CFAP70: variants seen among roughly 807,000 people sequenced by gnomAD.
The protein encoded by CFAP70 is cilia and flagella associated protein 70.
In CFAP70, 81 loss-of-function variants were observed where a neutral mutation model predicts 137.6. That is an observed-to-expected ratio of 0.59 (90% CI 0.49 to 0.71). The LOEUF (loss-of-function observed/expected upper bound fraction) is 0.71. Ranked by LOEUF, CFAP70 falls within the 30% of genes least tolerant of loss-of-function variation. The pLI is 0.00. For synonymous variants in CFAP70, 382 were observed against 423.6 expected (o/e 0.90, Z 1.20); for missense variants, 976 against 1,226.7 (o/e 0.80, Z 3.05).
chr10:73,272,335 T>C (rs1389664586), intron 24 of CFAP70, among the ~76,000 whole-genome samples: 1 of 151,354 alleles, frequency 6.6e-6, no homozygotes, highest in African/African-American at 2.4e-5. Flanking sequence ...AGAGCGAGAC[T>C]CCATCTCAAA....
intron 4 of CFAP70, among the ~76,000 whole-genome samples, chr10:73,346,197 T>C (rs988660824): frequency 2.0e-5 from 3 of 152,060 alleles, no homozygotes; most frequent in African/African-American, 7.2e-5. Flanking sequence ...GCACCCAGCC[T>C]ATTTTTGTAA....
intron 15 of CFAP70, chr10:73,295,832 A>C (rs559284205): frequency 3.2e-4 from 49 of 152,184 alleles, no homozygotes; most frequent in African/African-American, 1.2e-3. Context: ...TTCATCTATG[A>C]CCATAGCATC....
At position 73,311,878 on chromosome 10, in the gene CFAP70, G is replaced by T. The variant is rs115761754; in HGVS notation, c.1120C>A (p.Pro374Thr). Reference sequence around the variant, plus strand: ...CTTAGAGGGGGTTCACCTTCCAAAGGAGTATCTGAGCTCTGAGATTTTATA... The same window carrying T: ...CTTAGAGGGGGTTCACCTTCCAAAGTAGTATCTGAGCTCTGAGATTTTATA... Residue 374 changes from proline (P) to threonine (T), a missense_variant, in exon 11 of 27, where the codon CCT becomes ACT. By Grantham distance (38) the Pro-to-Thr change is conservative. Transcript: ENST00000310715. The T allele has an allele frequency of 3.5e-4, 560 of 1,613,988 alleles. 5 individuals carry two copies. In the African/African-American group the frequency reaches 6.9e-3, roughly 20 times the overall value.
intron 11 of CFAP70, among the ~76,000 whole-genome samples, chr10:73,310,974 A>T (rs1249673221): frequency 2.0e-5 from 3 of 151,994 alleles, no homozygotes; most frequent in Non-Finnish European, 4.4e-5. Flanking sequence ...CCCCACCTTC[A>T]ATCTCTTTTT....
chr10:73,274,338 A>G (rs955515136), intron 23 of CFAP70, 95 bp downstream of exon 24: 12 of 1,331,974 alleles, frequency 9.0e-6, no homozygotes, highest in Non-Finnish European at 1.0e-6. Flanking sequence ...TGTCATTATT[A>G]TATTACTAGT....
chr10:73,269,734 C>T lies in CFAP70; in HGVS notation c.2926-19G>A, dbSNP rs568615945. The T allele has an allele frequency of 2.0e-4, 311 of 1,543,678 alleles. 4 individuals are homozygous for T. The South Asian group carries it at 3.2e-3, about 16-fold the overall frequency. On this transcript the variant is annotated intron_variant, in intron 24 of 26. Coordinates refer to ENST00000310715, the Ensembl canonical transcript of CFAP70. The stretch of plus-strand genomic sequence containing the variant: ...CCTCCAGCTTGACAGAAAAATGAGA[C>T]ATGTGAGTTAGCTTAGCTGAAACCA...
chr10:73,354,217 G>C (rs2054497349), intron 2 of CFAP70, among the ~76,000 whole-genome samples: 2 of 152,124 alleles, frequency 1.3e-5, no homozygotes, highest in Non-Finnish European at 2.9e-5. Flanking sequence ...TGAATATATG[G>C]ATGTACGTGT....
At chr10:73,295,144 C>T (rs2048442650) in intron 15 of CFAP70, 1 of 153,140 alleles carries the variant, frequency 6.5e-6, no homozygotes, top group Non-Finnish European at 1.5e-5. Context: ...ATGGTGAAAC[C>T]CCATCTCTAC....
exon 19 of CFAP70, chr10:73,291,348 A>G (rs2048167009): frequency 2.5e-6 from 4 of 1,613,986 alleles, no homozygotes; most frequent in Non-Finnish European, 3.4e-6. Context: ...TTGCTTTGTT[A>G]CTTGTGCCTG....
chr10:73,265,495 G>T (rs11000571), intron 25 of CFAP70, among the ~76,000 whole-genome samples: 15,931 of 151,728 alleles, frequency 0.1, 1,183 homozygotes, highest in East Asian at 0.29. Context: ...TTTATTCAGG[G>T]GCATAGTATT....
rs79591165 is a variant in CFAP70 at position 73,332,237 on chromosome 10, G to A, written c.678-961C>T. ...CTAGCTGGGAGTGAAAAACTCCAGG[G>A]GGCCCACTGTTAAGGGTCCCCACAC... is the stretch of plus-strand genomic sequence containing the variant. On this transcript the variant is annotated intron_variant, in intron 7 of 26. Transcript: ENST00000310715. 8.8e-3 allele frequency among the ~76,000 whole-genome samples: 1,334 copies of A among 152,218 alleles called. 31 individuals carry two copies. Among genetic ancestry groups the A allele is most frequent in the African/African-American group, 0.03 (1,246 of 41,520 alleles).
chr10:73,343,435 G>A (rs1013206354), intron 5 of CFAP70, among the ~76,000 whole-genome samples: 3 of 151,832 alleles, frequency 2.0e-5, no homozygotes, highest in Admixed American at 6.6e-5. Flanking sequence ...GGGGCTGGGT[G>A]TGGTGGCTCA....
intron 4 of CFAP70, 71 bp from the exon 5 acceptor site, chr10:73,348,306 T>C (rs1032686323): frequency 1.9e-6 from 3 of 1,562,756 alleles, no homozygotes; most frequent in African/African-American, 2.7e-5. Flanking sequence ...CAGAGATAAA[T>C]GTGCCTACTT....
chr10:73,344,130 T>A (rs1288812371), intron 5 of CFAP70, among the ~76,000 whole-genome samples: 1 of 151,884 alleles, frequency 6.6e-6, no homozygotes, highest in African/African-American at 2.4e-5. Context: ...ACCCAGCTAA[T>A]TTTTTGTATT....
At chr10:73,293,195 T>C (rs910841264) in intron 16 of CFAP70, 68 bp downstream of exon 17, 2 of 1,503,378 alleles carry the variant, frequency 1.3e-6, no homozygotes, top group African/African-American at 1.4e-5. Context: ...TTTTAAACAA[T>C]CAAAAATTAC....
At chr10:73,263,764 G>A (rs1238005634) in intron 25 of CFAP70, among the ~76,000 whole-genome samples, 1 of 152,170 alleles carries the variant, frequency 6.6e-6, no homozygotes, top group Non-Finnish European at 1.5e-5. Flanking sequence ...ATCTTGTGGG[G>A]AGATACTTTG....
chr10:73,299,694 A>C (rs1325868289), intron 12 of CFAP70, 29 bp from the exon 14 acceptor site: 1 of 1,566,010 alleles, frequency 6.4e-7, no homozygotes. Context: ...AAAATAAAAA[A>C]ACAAAAAAAA....
chr10:73,273,145 C>G lies in CFAP70; in HGVS notation c.2836-128G>C, dbSNP rs560601038. 2.0e-4 allele frequency: 151 copies of G among 739,064 alleles called. No homozygotes were observed. In the African/African-American group the frequency reaches 2.4e-3, roughly 12 times the overall value. The allele number at this position is 739,064 out of a possible 1,614,324, so 45.8% of individuals were successfully genotyped here. A position where few individuals can be genotyped will look rare whatever the true frequency, so the allele number is the denominator to read the frequency against. On this transcript the variant is annotated intron_variant, in intron 23 of 26. Transcript: ENST00000310715. ...AAGTTAAGCAAGTCCTTTAATTGTA[C>G]TTTGACGTCTACCTTAAGGGAGTTA...
intron 11 of CFAP70, among the ~76,000 whole-genome samples, chr10:73,311,188 C>G (rs1238856318): frequency 6.6e-6 from 1 of 152,180 alleles, no homozygotes; most frequent in Non-Finnish European, 1.5e-5. Flanking sequence ...TTTATAGAAT[C>G]TCTCCTTTAA....
Sources: gnomAD v4.1 joint callset for allele counts (sites outside exome capture counted in the v4.1 genomes callset) on GRCh38, gnomAD v4.1.1 for gene constraint, MANE v1.5 for transcripts, NCBI Gene and HGNC (gene_info 2026-07-23, HGNC 2026-07-21) for gene names.